Variants in GPR107 observed in about 807,000 individuals in gnomAD.
The protein encoded by GPR107 is G protein-coupled receptor 107, also known as protein GPR107.
A neutral mutation model predicts 75.5 loss-of-function variants in GPR107; 31 were observed. That is an observed-to-expected ratio of 0.41 (90% CI 0.31 to 0.55). The LOEUF is 0.55. Among genes scored for constraint, GPR107 ranks in the 20% least tolerant of loss-of-function variants. The probability of loss-of-function intolerance (pLI) is 0.26; values close to 1 mark genes in which losing one functional copy is unlikely to be tolerated. For missense variants in GPR107, 572 were observed against 665.7 expected (o/e 0.86, Z 1.55); for synonymous variants, 267 against 251.3 (o/e 1.06, Z -0.59).
At chr9:130,067,324 T>A (rs932235786) in intron 1 of GPR107, among the ~76,000 whole-genome samples, 1 of 152,222 alleles carries the variant, frequency 6.6e-6, no homozygotes, top group Admixed American at 6.5e-5. Flanking sequence ...TCAGAGACTG[T>A]GCTAAATATT....
intron 14 of GPR107, chr9:130,114,677 G>A: frequency 9.5e-7 from 1 of 1,048,546 alleles, no homozygotes. Flanking sequence ...TGAGCCACTG[G>A]ACCCATCCTG....
At chr9:130,129,768 A>G (rs962495574) in intron 17 of GPR107, 10 of 152,162 alleles carry the variant, frequency 6.6e-5, no homozygotes, top group African/African-American at 2.4e-4. Context: ...TCAGGAAATA[A>G]CCTAAGACGC....
chr9:130,074,817 C>A (rs929523880), intron 1 of GPR107, among the ~76,000 whole-genome samples: 3 of 151,862 alleles, frequency 2.0e-5, no homozygotes, highest in African/African-American at 2.4e-5. Flanking sequence ...ATGGGAGGAG[C>A]CAGGTACACA....
intron 9 of GPR107, among the ~76,000 whole-genome samples, chr9:130,094,409 A>G (rs1830814356): frequency 6.6e-6 from 1 of 152,096 alleles, no homozygotes; most frequent in South Asian, 2.1e-4. Context: ...GTGCCACTGC[A>G]CAAAATTAAA....
chr9:130,114,745 C>T (rs1056363145), intron 14 of GPR107: 1 of 990,830 alleles, frequency 1.0e-6, no homozygotes. Flanking sequence ...AACTTGGGGT[C>T]TTTAGGAATT....
chr9:130,066,563 G>A (rs868452981), intron 1 of GPR107, among the ~76,000 whole-genome samples: 1 of 152,128 alleles, frequency 6.6e-6, no homozygotes, highest in Middle Eastern at 3.2e-3. Flanking sequence ...CCATCCGTAG[G>A]TTAGCCATGT....
At position 130,076,447 on chromosome 9, in the gene GPR107, C is replaced by T; in HGVS notation, c.291C>T (p.Gly97=). 6.3e-7 allele frequency: 1 copy of T among 1,582,052 alleles called. No individual in the cohort carries two copies. The highest frequency in any genetic ancestry group is 8.7e-7 in the Non-Finnish European group (1 of 1,150,864). The change falls in exon 3 of 18, where the codon GGC becomes GGT. Residue 97 remains glycine (G), a synonymous_variant. Coordinates refer to ENST00000347136, the MANE Select transcript of GPR107 (RefSeq NM_020960.5). Reference sequence around the variant, plus strand: ...GCCTAGACCGTACAAAGAATGATGGCTTTTCTTCTTACCTGGTGAGTATTA... The same window carrying T: ...GCCTAGACCGTACAAAGAATGATGGTTTTTCTTCTTACCTGGTGAGTATTA... ...GFSLDRTKND[G]FSSYLDEDVN...
chr9:130,078,021 C>T (rs986956932), intron 4 of GPR107, among the ~76,000 whole-genome samples: 2 of 152,040 alleles, frequency 1.3e-5, no homozygotes, highest in East Asian at 1.9e-4. Context: ...AAAAATTAGC[C>T]GGGCGTGGTG....
intron 1 of GPR107, among the ~76,000 whole-genome samples, chr9:130,057,528 A>G (rs1829822697): frequency 6.6e-6 from 1 of 151,260 alleles, no homozygotes; most frequent in African/African-American, 2.4e-5. Flanking sequence ...AAGACAAAGC[A>G]AAACAACCTT....
intron 6 of GPR107, 106 bp downstream of exon 6, chr9:130,083,708 G>A (rs1830545454): frequency 3.6e-6 from 2 of 554,214 alleles, no homozygotes; most frequent in Non-Finnish European, 6.1e-6. Flanking sequence ...ATACATGCAT[G>A]CACAGACACA....
In GPR107 at chr9:130,137,332, G is replaced by C. The variant is rs1231003340; in HGVS notation, c.*2211G>C. Reference sequence around the variant, plus strand: ...CCCTCAGACTGGCACGGGAACGCCAGCGTTGGGTGTTCAGATTCCACGCGT... The same window carrying C: ...CCCTCAGACTGGCACGGGAACGCCACCGTTGGGTGTTCAGATTCCACGCGT... On this transcript the variant is annotated 3_prime_UTR_variant, in exon 18 of 18. Transcript: ENST00000347136. The C allele has an allele frequency of 1.3e-5, 2 of 152,380 alleles. No individual in the cohort carries two copies. Among genetic ancestry groups the C allele is most frequent in the Non-Finnish European group, 2.9e-5 (2 of 68,140 alleles). 9.4% of individuals were successfully genotyped at this position (152,380 alleles called of 1,614,324 possible).
chr9:130,087,575 A>G (rs1830643614), intron 7 of GPR107, among the ~76,000 whole-genome samples: 1 of 151,928 alleles, frequency 6.6e-6, no homozygotes, highest in Non-Finnish European at 1.5e-5. Flanking sequence ...CTAAGGTGGG[A>G]GGATCACTTG....
chr9:130,116,793 A>G (rs1313845411), intron 14 of GPR107, among the ~76,000 whole-genome samples: 1 of 151,908 alleles, frequency 6.6e-6, no homozygotes, highest in African/African-American at 2.4e-5. Flanking sequence ...CTTTAGTGCT[A>G]CTCTGAGGAG....
chr9:130,133,417 T>C (rs1292091034), intron 17 of GPR107, among the ~76,000 whole-genome samples: 2 of 152,220 alleles, frequency 1.3e-5, no homozygotes, highest in Non-Finnish European at 2.9e-5. Context: ...AGCTGTGTGA[T>C]TACTGGAGTG....
chr9:130,089,958 C>CA (rs1326178513), intron 7 of GPR107, among the ~76,000 whole-genome samples: 1 of 152,112 alleles, frequency 6.6e-6, no homozygotes, highest in Admixed American at 6.6e-5. Flanking sequence ...TATGAACAGT[C>CA]ACCTTTATGA....
At chr9:130,083,319 A>G (rs1412792381) in intron 5 of GPR107, 2 of 318,050 alleles carry the variant, frequency 6.3e-6, no homozygotes, top group Non-Finnish European at 1.1e-5. Flanking sequence ...GAATATCCAG[A>G]AATGAATTCT....
At chr9:130,117,446 A>G (rs543028513) in intron 14 of GPR107, among the ~76,000 whole-genome samples, 5 of 152,226 alleles carry the variant, frequency 3.3e-5, no homozygotes, top group Admixed American at 2.6e-4. Context: ...CAGAAGGGAC[A>G]TTTCAGGCCA....
chr9:130,111,710 T>C (rs758852), intron 14 of GPR107, among the ~76,000 whole-genome samples: 2 of 1,728 alleles, frequency 1.2e-3, no homozygotes, highest in South Asian at 0.021. Context: ...GTGAATACAG[T>C]TTTCAGTTTT....
Position 130,090,937 on chromosome 9 carries a change from G to T in GPR107, c.683G>T (p.Cys228Phe), listed in dbSNP as rs1830717257. Residue 228 changes from cysteine to phenylalanine, a missense_variant, in exon 8 of 18, where the codon TGC becomes TTC. Cys to Phe is a radical substitution (Grantham distance 205). Transcript: ENST00000347136. The part of the protein sequence containing the change: ...EGLYSLYFHK[C>F]LGKELPSDKF... ...CTTTACAGTCTTTATTTTCATAAAT[G>T]CCTTGGAAAAGAATTGCCAAGTGAC... 1 of 1,561,120 alleles carries T rather than the reference G, an allele frequency of 6.4e-7. No homozygotes were observed. Among genetic ancestry groups the T allele is most frequent in the Non-Finnish European group, 8.8e-7 (1 of 1,132,506 alleles).
Sources: allele counts gnomAD v4.1 joint callset (sites outside exome capture counted in the v4.1 genomes callset), GRCh38; gene constraint gnomAD v4.1.1; transcripts MANE v1.5; gene names NCBI Gene and HGNC (gene_info 2026-07-23, HGNC 2026-07-21).